Variants in RNH1 observed in about 807,000 individuals in gnomAD.
The protein encoded by RNH1 is ribonuclease/angiogenin inhibitor 1, also known as ribonuclease inhibitor.
In RNH1, 38 loss-of-function variants were observed where a neutral mutation model predicts 46.1. That is an observed-to-expected ratio of 0.82 (90% CI 0.64 to 1.08). The LOEUF (loss-of-function observed/expected upper bound fraction) is 1.08. Ranked by LOEUF, RNH1 falls within the 50% of genes least tolerant of loss-of-function variation. RNH1 has a pLI of 0.00. For missense variants in RNH1, 577 were observed against 590.7 expected, an observed-to-expected ratio of 0.98 and a Z score of 0.24; for synonymous variants, 319 against 279.1, an observed-to-expected ratio of 1.14 and a Z score of -1.43.
intron 9 of RNH1, among the ~76,000 whole-genome samples, chr11:497,701 ACT>A (rs1269416187): frequency 6.2e-4 from 89 of 144,666 alleles, no homozygotes; most frequent in Admixed American, 2.1e-4. Context: ...ACACACGGAC[ACT>A]CGTGCTCATT....
intron 5 of RNH1, 103 bp from the exon 6 acceptor site, chr11:499,288 T>C (rs199946427): frequency 7.7e-7 from 1 of 1,297,590 alleles, no homozygotes; most frequent in South Asian, 1.3e-5. Context: ...CCCTCAGTCT[T>C]CTGCCTGGGC....
intron 9 of RNH1, among the ~76,000 whole-genome samples, chr11:497,681 C>A (rs1849286334): frequency 8.1e-6 from 1 of 123,540 alleles, no homozygotes; most frequent in Admixed American, 8.1e-5. Context: ...ACGTGCTCAC[C>A]CATGTGCTCA....
chr11:495,115 A>G (rs1413839466), intron 9 of RNH1, 62 bp from the exon 10 acceptor site: 2 of 1,528,720 alleles, frequency 1.3e-6, no homozygotes, highest in Non-Finnish European at 1.8e-6. Context: ...TGACCGGCAG[A>G]GCAGGCCTGG....
rs1170944957 is a variant in RNH1 at position 498,780 on chromosome 11, G to A, written c.768C>T (p.Ser256=). The A allele has an allele frequency of 6.2e-6, 10 of 1,602,874 alleles. No individual in the cohort carries two copies. Among genetic ancestry groups the A allele is most frequent in the South Asian group, 3.3e-5 (3 of 90,808 alleles). The part of the protein sequence containing the change: ...ELCPGLLHPS[S]RLRTLWIWEC... ...TGACTCACCACAGGGTCCTGAGCCT[G>A]GAGCTGGGGTGGAGCAGCCCTGGGC... Residue 256 remains serine, a synonymous_variant, in exon 7 of 11, where the codon TCC becomes TCT. Coordinates refer to ENST00000354420, the MANE Select transcript of RNH1 (RefSeq NM_203387.3).
At chr11:495,990 AAAAC>A (rs979850995) in intron 9 of RNH1, among the ~76,000 whole-genome samples, 9 of 152,214 alleles carry the variant, frequency 5.9e-5, no homozygotes, top group African/African-American at 9.6e-5. Flanking sequence ...TCCCAAAAAT[AAAAC>A]AAAACATCGA....
rs760439223 is a variant in RNH1, at chr11:499,888, C to T, written c.384G>A (p.Ala128=). 26 of 1,613,152 alleles carry T rather than the reference C, an allele frequency of 1.6e-5. No homozygotes were observed. Among genetic ancestry groups the T allele is most frequent in the South Asian group, 1.1e-4 (10 of 91,066 alleles). Residue 128 remains alanine (A), a synonymous_variant, in exon 5 of 11, where the codon GCG becomes GCA. Transcript: ENST00000354420. ...GTCCTTCGCAGAGCAGCTGCAGGCC[C>T]GCATCCCCCAAGAGGTTGTCGCTGA... ...LHLSDNLLGD[A]GLQLLCEGLL...
Position 502,426 on chromosome 11 carries a change from G to A in RNH1, c.-87-177C>T, listed in dbSNP as rs1849831523. 1 of 547,462 alleles carries A rather than the reference G, an allele frequency of 1.8e-6. No individual in the cohort carries two copies. The highest frequency in any genetic ancestry group is 1.9e-5 in the African/African-American group (1 of 53,146). 33.9% of individuals were successfully genotyped at this position (547,462 alleles called of 1,614,324 possible). A position where few individuals can be genotyped will look rare whatever the true frequency, so the allele number is the denominator to read the frequency against. On this transcript the variant is annotated intron_variant, in intron 2 of 10. Coordinates refer to ENST00000354420, the MANE Select transcript of RNH1 (RefSeq NM_203387.3). This position sits in a 1 kb window ranked among gnomAD's most constrained non-coding sequence, Gnocchi z 5.8. ...AGGCCACCATGGGCAGCAGAGCTTGGGTAATGCAGATGCCAGCCCATCTCC... is the reference window on the plus strand; with the variant it reads ...AGGCCACCATGGGCAGCAGAGCTTGAGTAATGCAGATGCCAGCCCATCTCC...
intron 9 of RNH1, among the ~76,000 whole-genome samples, chr11:497,222 C>T (rs1245040929): frequency 6.9e-6 from 1 of 145,416 alleles, no homozygotes; most frequent in African/African-American, 2.8e-5. Flanking sequence ...CACGTACTCT[C>T]GCCCATGTGC....
At position 498,075 on chromosome 11, in the gene RNH1, C is replaced by T. The variant is rs762772127; in HGVS notation, c.1023G>A (p.Arg341=). The change falls in exon 9 of 11, where the codon AGG becomes AGA. Residue 341 remains arginine, a synonymous_variant. Transcript: ENST00000354420. ...SHFSSVLAQN[R]FLLELQISNN... ...TGCTTATCTGTAGCTCCAGGAGAAACCTGTTCTGGGCCAGCACTGAGCTGA... is the reference window on the plus strand; with the variant it reads ...TGCTTATCTGTAGCTCCAGGAGAAATCTGTTCTGGGCCAGCACTGAGCTGA... 1.9e-6 allele frequency: 3 copies of T among 1,614,128 alleles called. No individual in the cohort carries two copies. The highest frequency in any genetic ancestry group is 4.5e-5 in the East Asian group (2 of 44,890).
In RNH1 at chr11:495,102, C is replaced by T. The variant is rs747309817; in HGVS notation, c.1128-49G>A. On this transcript the variant is annotated intron_variant, in intron 9 of 10. Coordinates refer to ENST00000354420, the MANE Select transcript of RNH1 (RefSeq NM_203387.3). ...AGGGTGCCGGGCGTGCCTGGCACCG[C>T]ACTGACCGGCAGAGCAGGCCTGGGC... The T allele has an allele frequency of 1.2e-5, 19 of 1,562,400 alleles. No homozygotes were observed. In the South Asian group the frequency reaches 1.4e-4, roughly 11 times the overall value.
chr11:499,945 T>C lies in RNH1; in HGVS notation c.327A>G (p.Leu109=), dbSNP rs778935153. The change falls in exon 5 of 11, where the codon CTA becomes CTG. Residue 109 remains leucine, a synonymous_variant. Transcript: ENST00000354420. The part of the protein sequence containing the change: ...GAGCGVLSST[L]RTLPTLQELH... ...GCTCCTGCAGGGTGGGCAGGGTGCG[T>C]AGTGTGCTGGACAGGACCCCGCAGC... is the stretch of plus-strand genomic sequence containing the variant. The C allele has an allele frequency of 2.5e-6, 4 of 1,610,570 alleles. No homozygotes were observed. Among genetic ancestry groups the C allele is most frequent in the Admixed American group, 1.7e-5 (1 of 59,652 alleles).
chr11:498,772 C>G lies in RNH1; in HGVS notation c.776G>C (p.Arg259Thr). 1.2e-6 allele frequency: 2 copies of G among 1,601,630 alleles called. No homozygotes were observed. Among genetic ancestry groups the G allele is most frequent in the Non-Finnish European group, 1.7e-6 (2 of 1,177,696 alleles). The change falls in exon 7 of 11, where the codon AGG becomes ACG. Residue 259 changes from arginine (R) to threonine (T), a missense_variant. Coordinates refer to ENST00000354420, the MANE Select transcript of RNH1 (RefSeq NM_203387.3). ...PGLLHPSSRL[R>T]TLWIWECGIT... is the part of the protein sequence containing the mutation. Reference sequence around the variant, plus strand: ...CGCGGAGATGACTCACCACAGGGTCCTGAGCCTGGAGCTGGGGTGGAGCAG... The same window carrying G: ...CGCGGAGATGACTCACCACAGGGTCGTGAGCCTGGAGCTGGGGTGGAGCAG...
In RNH1 at chr11:494,768, T is replaced by G; in HGVS notation, c.1309A>C (p.Ile437Leu). The G allele has an allele frequency of 6.2e-7, 1 of 1,613,892 alleles. No homozygotes were observed. The highest frequency in any genetic ancestry group is 8.5e-7 in the Non-Finnish European group (1 of 1,179,982). The change falls in exon 11 of 11, where the codon ATT becomes CTT. Residue 437 changes from isoleucine to leucine, a missense_variant. Transcript: ENST00000354420. ...CLLEQLVLYD[I>L]YWSEEMEDRL... is the part of the protein sequence containing the mutation. Reference sequence around the variant, plus strand: ...TCCTCCATCTCCTCAGACCAGTAAATGTCGTACAGGCTGCACACAGGCCAG... The same window carrying G: ...TCCTCCATCTCCTCAGACCAGTAAAGGTCGTACAGGCTGCACACAGGCCAG...
chr11:499,803 G>A (rs746752046), intron 5 of RNH1, 26 bp downstream of exon 5: 3 of 1,593,044 alleles, frequency 1.9e-6, no homozygotes, highest in Admixed American at 3.4e-5. Flanking sequence ...GGCCAGCATG[G>A]GCCCTGGGGC....
Position 498,128 on chromosome 11 carries a change from T to C in RNH1, c.970A>G (p.Ser324Gly), listed in dbSNP as rs1849348134. The stretch of plus-strand genomic sequence containing the variant: ...TGGGAGCAGCAGGCGGCTGTGAAGC[T>C]GCAGGACTTCACCCTGTGGACACAG... ...QLESLWVKSC[S>G]FTAACCSHFS... Residue 324 changes from serine to glycine, a missense_variant, in exon 9 of 11, where the codon AGC becomes GGC. Transcript: ENST00000354420. The C allele has an allele frequency of 6.2e-7, 1 of 1,613,536 alleles. No homozygotes were observed. The highest frequency in any genetic ancestry group is 8.5e-7 in the Non-Finnish European group (1 of 1,179,832).
At chr11:496,060 C>T (rs1849027346) in intron 9 of RNH1, among the ~76,000 whole-genome samples, 1 of 152,112 alleles carries the variant, frequency 6.6e-6, no homozygotes, top group Admixed American at 6.5e-5. Context: ...TCAGGACAGG[C>T]TCATGGGCAC....
At chr11:500,381 TCCACCTGCAGCTGC>T in intron 4 of RNH1, 89 bp downstream of exon 4, 1 of 1,338,182 alleles carries the variant, frequency 7.5e-7, no homozygotes, top group Non-Finnish European at 1.0e-6. Context: ...CCACTGCCTG[TCCACCTGCAGCTGC>T]CCACGCGCCC....
chr11:504,619 TC>T, intron 2 of RNH1: 1 of 152,114 alleles, frequency 6.6e-6, no homozygotes, highest in Non-Finnish European at 1.5e-5. Flanking sequence ...GCTTTCCCAC[TC>T]CCCCCTGGGT....
At position 498,938 on chromosome 11, in the gene RNH1, G is replaced by A. The variant is rs778080062; in HGVS notation, c.615-5C>T. The stretch of plus-strand genomic sequence containing the variant: ...GTCACACCGCAGCTCTCCAGCCTGG[G>A]GACACGGGTCACACGTGAGGCAGCA... On this transcript the variant is annotated splice_polypyrimidine_tract_variant and splice_region_variant and intron_variant, in intron 6 of 10. Coordinates refer to ENST00000354420, the MANE Select transcript of RNH1 (RefSeq NM_203387.3). The A allele has an allele frequency of 1.2e-6, 2 of 1,612,230 alleles. No homozygotes were observed. Among genetic ancestry groups the A allele is most frequent in the Admixed American group, 3.3e-5 (2 of 59,980 alleles).
Sources: allele counts gnomAD v4.1 joint callset (sites outside exome capture counted in the v4.1 genomes callset), GRCh38; gene constraint gnomAD v4.1.1; non-coding constraint Gnocchi (gnomAD v3.1); transcripts MANE v1.5; gene names NCBI Gene and HGNC (gene_info 2026-07-23, HGNC 2026-07-21).